The following GALNTL6 variants were observed in gnomAD, a reference collection of about 807,000 sequenced individuals.
GALNTL6 encodes the protein polypeptide N-acetylgalactosaminyltransferase-like 6.
A neutral mutation model predicts 73.7 loss-of-function variants in GALNTL6; 46 were observed. That is an observed-to-expected ratio of 0.62 (90% CI 0.49 to 0.80). GALNTL6 has a LOEUF of 0.80. Ranked by LOEUF, GALNTL6 falls within the 30% of genes least tolerant of loss-of-function variation. GALNTL6 has a pLI of 0.00. For missense variants in GALNTL6, 604 were observed against 755.0 expected (o/e 0.80, Z 2.34); for synonymous variants, 259 against 263.7 (o/e 0.98, Z 0.17).
chr4:172,669,675 CTTTTA>C (rs1475006184), intron 5 of GALNTL6, among the ~76,000 whole-genome samples: 2 of 151,912 alleles, frequency 1.3e-5, no homozygotes, highest in African/African-American at 4.8e-5. Flanking sequence ...TGTTTTTTAA[CTTTTA>C]TTTTAAGTTC....
intron 7 of GALNTL6, among the ~76,000 whole-genome samples, chr4:172,871,088 A>G (rs1403535198): frequency 6.6e-6 from 1 of 152,170 alleles, no homozygotes; most frequent in Non-Finnish European, 1.5e-5. Context: ...AGGGGGTAGC[A>G]GGGGAAGGCT....
intron 2 of GALNTL6, among the ~76,000 whole-genome samples, chr4:172,013,649 C>T (rs1321931560): frequency 1.3e-5 from 2 of 151,856 alleles, no homozygotes; most frequent in East Asian, 1.9e-4. Flanking sequence ...GTGTAATGAT[C>T]ACATCAGGGT....
chr4:172,803,119 C>T (rs1349609773), intron 5 of GALNTL6, among the ~76,000 whole-genome samples: 1 of 152,172 alleles, frequency 6.6e-6, no homozygotes, highest in Non-Finnish European at 1.5e-5. Flanking sequence ...ATCTGCATCT[C>T]GTTATTGGGC....
chr4:172,143,827 T>A (rs543393965), intron 2 of GALNTL6, among the ~76,000 whole-genome samples: 1 of 152,168 alleles, frequency 6.6e-6, no homozygotes, highest in East Asian at 1.9e-4. Context: ...TGGAGCATCA[T>A]TTTTGTTATC....
At chr4:172,485,448 G>A (rs1460538263) in intron 5 of GALNTL6, among the ~76,000 whole-genome samples, 1 of 151,956 alleles carries the variant, frequency 6.6e-6, no homozygotes, top group Non-Finnish European at 1.5e-5. Context: ...TCTGTTTTAT[G>A]TATGTTTTAT....
chr4:172,582,680 G>T lies in GALNTL6; in HGVS notation c.554-226681G>T, dbSNP rs78639004. Among the ~76,000 whole-genome samples, 5 of 151,562 alleles carry T rather than the reference G, an allele frequency of 3.3e-5. No homozygotes were observed. The South Asian group carries it at 6.2e-4, about 19-fold the overall frequency. On this transcript the variant is annotated intron_variant, in intron 5 of 12. Coordinates refer to ENST00000506823, the MANE Select transcript of GALNTL6 (RefSeq NM_001034845.3). The stretch of plus-strand genomic sequence containing the variant: ...TGTTACAGATGGTGAAGATAAAAAG[G>T]CATCACTAAATTTTGCAAAACACTC...
rs837222 is a variant in GALNTL6, at chr4:172,637,697, A to G, written c.554-171664A>G. On this transcript the variant is annotated intron_variant, in intron 5 of 12. Coordinates refer to ENST00000506823, the MANE Select transcript of GALNTL6 (RefSeq NM_001034845.3). ...GAATATTCCCATGAATTGTATAAAC[A>G]TTAATCTTAATGATAAATCAAAAAG... Among the ~76,000 whole-genome samples the G allele has an allele frequency of 8.1e-3, 1,233 of 152,314 alleles. 18 individuals are homozygous for G. Among genetic ancestry groups the G allele is most frequent in the African/African-American group, 0.028 (1,185 of 41,584 alleles).
chr4:172,835,946 A>T (rs925123482), intron 7 of GALNTL6, among the ~76,000 whole-genome samples: 2 of 152,184 alleles, frequency 1.3e-5, no homozygotes, highest in African/African-American at 4.8e-5. Context: ...ATGCTCTATG[A>T]TGCCCAAAGT....
intron 2 of GALNTL6, among the ~76,000 whole-genome samples, chr4:172,121,315 G>A (rs550755579): frequency 3.2e-4 from 47 of 147,408 alleles, no homozygotes; most frequent in African/African-American, 1.1e-3. Context: ...AATTACATTT[G>A]CACAAGATTG....
At chr4:172,206,818 G>GTT (rs1254869443) in intron 2 of GALNTL6, among the ~76,000 whole-genome samples, 2 of 62,854 alleles carry the variant, frequency 3.2e-5, no homozygotes, top group African/African-American at 4.5e-5. Context: ...TTTTTTGTTT[G>GTT]TTTTTTTTTT....
chr4:172,729,782 T>C lies in GALNTL6; in HGVS notation c.554-79579T>C, dbSNP rs994527703. Among the ~76,000 whole-genome samples the C allele has an allele frequency of 8.5e-5, 13 of 152,236 alleles. 1 individual carries two copies. Among genetic ancestry groups the C allele is most frequent in the Non-Finnish European group, 1.5e-5 (1 of 68,036 alleles). Reference sequence around the variant, plus strand: ...TTTCTGTGCAGAATGTCATTGGTATTTTGATAGGATTGCATTGAATATGTA... The same window carrying C: ...TTTCTGTGCAGAATGTCATTGGTATCTTGATAGGATTGCATTGAATATGTA... On this transcript the variant is annotated intron_variant, in intron 5 of 12. Transcript: ENST00000506823.
intron 2 of GALNTL6, among the ~76,000 whole-genome samples, chr4:171,875,917 T>C (rs1736263902): frequency 6.6e-6 from 1 of 151,918 alleles, no homozygotes; most frequent in Admixed American, 6.6e-5. Flanking sequence ...AACCATGTTG[T>C]ATATTTGGGC....
intron 5 of GALNTL6, among the ~76,000 whole-genome samples, chr4:172,711,821 G>A (rs1183811082): frequency 6.6e-6 from 1 of 152,128 alleles, no homozygotes; most frequent in Admixed American, 6.6e-5. Flanking sequence ...TAACATAGAT[G>A]AATTTACCAA....
rs534391265 is a variant in GALNTL6, at chr4:172,138,766, T to G, written c.139-90890T>G. ...GGATGGTTTCGATCTCCTGACCTCATGATCTGCCCGCCTCGGCCTCCCAAA... is the reference window on the plus strand; with the variant it reads ...GGATGGTTTCGATCTCCTGACCTCAGGATCTGCCCGCCTCGGCCTCCCAAA... On this transcript the variant is annotated intron_variant, in intron 2 of 12. Coordinates refer to ENST00000506823, the MANE Select transcript of GALNTL6 (RefSeq NM_001034845.3). 7.9e-4 allele frequency among the ~76,000 whole-genome samples: 120 copies of G among 151,104 alleles called. 2 individuals are homozygous for G. The South Asian group carries it at 0.025, about 31-fold the overall frequency.
chr4:172,059,078 A>G (rs1307397677), intron 2 of GALNTL6, among the ~76,000 whole-genome samples: 1 of 152,212 alleles, frequency 6.6e-6, no homozygotes, highest in Non-Finnish European at 1.5e-5. Flanking sequence ...AAGTGTGTCT[A>G]TCTACCAGGC....
intron 9 of GALNTL6, among the ~76,000 whole-genome samples, chr4:172,949,559 T>A (rs1749336202): frequency 6.6e-6 from 1 of 152,214 alleles, no homozygotes; most frequent in Non-Finnish European, 1.5e-5. Flanking sequence ...AAAATCAATT[T>A]TGAATATAAA....
At chr4:172,246,196 C>T (rs571674547) in intron 3 of GALNTL6, among the ~76,000 whole-genome samples, 73 of 152,180 alleles carry the variant, frequency 4.8e-4, no homozygotes, top group African/African-American at 1.7e-3. Flanking sequence ...CGTTACTAGG[C>T]GTTTCGTTCG....
At chr4:172,989,074 G>A (rs1751427306) in intron 10 of GALNTL6, among the ~76,000 whole-genome samples, 1 of 152,176 alleles carries the variant, frequency 6.6e-6, no homozygotes, top group Admixed American at 6.5e-5. Flanking sequence ...ATGAGAAGAG[G>A]GCCACTGTCC....
At chr4:171,857,577 T>C (rs928741749) in intron 2 of GALNTL6, among the ~76,000 whole-genome samples, 8 of 152,058 alleles carry the variant, frequency 5.3e-5, no homozygotes, top group African/African-American at 1.9e-4. Context: ...CCTTGGAGAG[T>C]CTGGAACATA....
Sources: gnomAD v4.1 joint callset for allele counts (sites outside exome capture counted in the v4.1 genomes callset) on GRCh38, gnomAD v4.1.1 for gene constraint, MANE v1.5 for transcripts, NCBI Gene and HGNC (gene_info 2026-07-23, HGNC 2026-07-21) for gene names.